ZNF280C: variants seen among roughly 807,000 people sequenced by gnomAD.
ZNF280C encodes zinc finger protein 280C.
Under a neutral mutation model 53.6 loss-of-function variants are expected in ZNF280C, and 14 were observed. The ratio of observed to expected loss-of-function variants is 0.26; its 90% CI spans 0.17 to 0.41. ZNF280C has a LOEUF of 0.41. Ranked by LOEUF, ZNF280C falls within the 10% of genes least tolerant of loss-of-function variation. The probability of loss-of-function intolerance (pLI) is 1.00; values close to 1 mark genes in which losing one functional copy is unlikely to be tolerated. For missense variants in ZNF280C, 416 were observed against 547.1 expected (o/e 0.76, Z 2.39); for synonymous variants, 203 against 181.1 (o/e 1.12, Z -0.97).
At chrX:130,225,886 T>C (rs992920624) in intron 12 of ZNF280C, among the ~76,000 whole-genome samples, 4 of 111,872 alleles carry the variant, frequency 3.6e-5, no homozygotes, top group Admixed American at 9.5e-5. Flanking sequence ...AGCTGATCAG[T>C]GAGGAGGCAA....
At chrX:130,256,848 A>C (rs924619934) in intron 2 of ZNF280C, among the ~76,000 whole-genome samples, 4 of 109,062 alleles carry the variant, frequency 3.7e-5, no homozygotes, top group Non-Finnish European at 7.6e-5. Context: ...CAGTGAGTTG[A>C]GATCACGCCA....
intron 13 of ZNF280C, among the ~76,000 whole-genome samples, chrX:130,218,977 C>T (rs1383591744): frequency 9.0e-6 from 1 of 111,691 alleles, no homozygotes; most frequent in Non-Finnish European, 1.9e-5. Context: ...CTAATACCAA[C>T]ATGGAACAAA....
chrX:130,226,794 C>A lies in ZNF280C; in HGVS notation c.1360G>T (p.Ala454Ser). 2 of 1,210,356 alleles carry A rather than the reference C, an allele frequency of 1.7e-6. No individual in the cohort carries two copies. Among genetic ancestry groups the A allele is most frequent in the Non-Finnish European group, 2.2e-6 (2 of 894,801 alleles). Residue 454 changes from alanine to serine, a missense_variant, in exon 12 of 19, where the codon GCA becomes TCA. Ala to Ser is a moderately conservative substitution (Grantham distance 99). This residue lies in a region of ZNF280C where 72 missense variants were observed against 168.8 expected (regional missense o/e 0.43). Transcript: ENST00000370978. ...CPFCLKVSKM[A>S]TPYMNHYMKH... ...ATGTAATGATTCATGTAGGGGGTTG[C>A]CATTTTACTAACTTTGAGGCAAAAT...
At chrX:130,243,898 T>C in intron 3 of ZNF280C, 33 bp from the exon 4 acceptor site, 3 of 947,739 alleles carry the variant, frequency 3.2e-6, no homozygotes, top group South Asian at 2.6e-5. Context: ...AAATTTGTTA[T>C]GTGAATGAAA....
intron 15 of ZNF280C, 130 bp downstream of exon 15, chrX:130,215,063 G>C (rs1204152779): frequency 1.7e-6 from 1 of 591,531 alleles, no homozygotes; most frequent in Admixed American, 4.3e-5. Context: ...GAACATCTTA[G>C]AAGTTCCCTA....
chrX:130,266,883 A>T (rs2032694682), intron 1 of ZNF280C, among the ~76,000 whole-genome samples: 1 of 111,434 alleles, frequency 9.0e-6, no homozygotes. Context: ...TGGGTGGATC[A>T]CGAGGTCAGG....
chrX:130,223,419 T>C (rs2124701568), intron 12 of ZNF280C, among the ~76,000 whole-genome samples: 1 of 112,169 alleles, frequency 8.9e-6, no homozygotes, highest in Non-Finnish European at 1.9e-5. Context: ...AATGTCAATG[T>C]GGAATATGAG....
At position 130,236,519 on chromosome X, in the gene ZNF280C, G is replaced by T. The variant is rs1296307758; in HGVS notation, c.614C>A (p.Pro205His). The change falls in exon 7 of 19, where the codon CCT becomes CAT. Residue 205 changes from proline to histidine, a missense_variant. Pro to His is a moderately conservative substitution (Grantham distance 77). This residue lies in a region of ZNF280C where 193 missense variants were observed against 201.4 expected (regional missense o/e 0.96). Transcript: ENST00000370978. Reference protein sequence around the residue: ...VPQINPSTSLPLIGSPPVTSS... With the variant: ...VPQINPSTSLHLIGSPPVTSS... ...TGTCACTGGAGGAGAGCCAATTAAA[G>T]GCAATGAAGTGGAGGGATTTATCTG... is the stretch of plus-strand genomic sequence containing the variant. 8.3e-7 allele frequency: 1 copy of T among 1,207,480 alleles called. No homozygotes were observed. Among genetic ancestry groups the T allele is most frequent in the Admixed American group, 2.2e-5 (1 of 45,613 alleles).
In ZNF280C at chrX:130,204,184, A is replaced by C. The variant is rs990704337; in HGVS notation, c.*793T>G. 8.9e-6 allele frequency: 1 copy of C among 112,805 alleles called. No individual in the cohort carries two copies. Among genetic ancestry groups the C allele is most frequent in the Non-Finnish European group, 1.9e-5 (1 of 53,320 alleles). 9.3% of individuals were successfully genotyped at this position (112,805 alleles called of 1,213,427 possible). A position where few individuals can be genotyped will look rare whatever the true frequency, so the allele number is the denominator to read the frequency against. ...TGCTAGAGGAAAATTAAAGAGCAGC[A>C]GCCAAAATGGTTAAACGTCAACCTG... On this transcript the variant is annotated 3_prime_UTR_variant, in exon 19 of 19. Coordinates refer to ENST00000370978, the MANE Select transcript of ZNF280C (RefSeq NM_017666.5).
Position 130,220,432 on chromosome X carries a change from T to A in ZNF280C, c.1444A>T (p.Ser482Cys). The A allele has an allele frequency of 8.3e-7, 1 of 1,204,115 alleles. No individual in the cohort carries two copies. The highest frequency in any genetic ancestry group is 1.8e-5 in the South Asian group (1 of 55,135). The change falls in exon 13 of 19, where the codon AGC becomes TGC. Residue 482 changes from serine to cysteine, a missense_variant. Physicochemically the swap from Ser to Cys is moderately radical, Grantham distance 112. Around this residue, in one of 3 missense-constraint regions of ZNF280C, gnomAD observed 72 missense variants for 168.8 expected, o/e 0.43. Transcript: ENST00000370978. The part of the protein sequence containing the change: ...CPKCRLQFLT[S>C]KEKAEHKAQH... ...GCCTTATGTTCAGCTTTCTCCTTGC[T>A]GGTCAAAAATTGTAGTCTGCATTTT... is the stretch of plus-strand genomic sequence containing the variant.
chrX:130,216,151 A>C (rs2032101686), intron 13 of ZNF280C, 50 bp from the exon 14 acceptor site: 1 of 1,028,664 alleles, frequency 9.7e-7, no homozygotes, highest in Non-Finnish European at 1.3e-6. Context: ...CCATCGCATT[A>C]GTATTAAAAA....
At chrX:130,213,953 T>C (rs776608404) in intron 15 of ZNF280C, among the ~76,000 whole-genome samples, 2 of 111,862 alleles carry the variant, frequency 1.8e-5, no homozygotes, top group East Asian at 5.6e-4. Context: ...ACAACTTTTA[T>C]TGGTTATACC....
intron 10 of ZNF280C, among the ~76,000 whole-genome samples, chrX:130,228,617 C>CTTTT (rs35926660): frequency 1.3e-3 from 77 of 58,374 alleles, no homozygotes; most frequent in Non-Finnish European, 1.7e-3. Context: ...TTTTCTTCTA[C>CTTTT]TTTTTTTTTT....
At chrX:130,243,290 C>T (rs1289136587) in intron 5 of ZNF280C, among the ~76,000 whole-genome samples, 1 of 111,591 alleles carries the variant, frequency 9.0e-6, no homozygotes, top group Non-Finnish European at 1.9e-5. Context: ...TCAAGCAATC[C>T]TCCCATCTCA....
chrX:130,235,981 T>C lies in ZNF280C; in HGVS notation c.771+233A>G, dbSNP rs754934021. Among the ~76,000 whole-genome samples, 3 of 112,039 alleles carry C rather than the reference T, an allele frequency of 2.7e-5. No individual in the cohort carries two copies. In the South Asian group the frequency reaches 1.1e-3, roughly 41 times the overall value. On this transcript the variant is annotated intron_variant, in intron 8 of 18. Transcript: ENST00000370978. ...GCTTGGCTTATTTCACTTAACATAA[T>C]GGCTTCCAGTTCTATCCATAACTTT...
intron 12 of ZNF280C, among the ~76,000 whole-genome samples, chrX:130,223,213 C>T (rs1569433830): frequency 9.0e-6 from 1 of 110,952 alleles, no homozygotes; most frequent in Admixed American, 9.6e-5. Context: ...TGCACCACCA[C>T]ACCCAGCTAA....
At chrX:130,238,779 A>G (rs1351645325) in intron 6 of ZNF280C, among the ~76,000 whole-genome samples, 3 of 111,906 alleles carry the variant, frequency 2.7e-5, no homozygotes, top group Non-Finnish European at 3.8e-5. Context: ...TTTGGCATTC[A>G]TATGACTATA....
At chrX:130,239,721 C>T (rs1408997081) in intron 5 of ZNF280C, 28 bp from the exon 6 acceptor site, 2 of 934,003 alleles carry the variant, frequency 2.1e-6, no homozygotes, top group South Asian at 4.2e-5. Context: ...TATTTTGTTT[C>T]ATAAACTTTT....
chrX:130,267,699 G>T (rs1209054633), intron 1 of ZNF280C, among the ~76,000 whole-genome samples: 1 of 112,046 alleles, frequency 8.9e-6, no homozygotes, highest in East Asian at 2.8e-4. Context: ...AAGTTTCTGC[G>T]TAAGGAGATT....
Sources: gnomAD v4.1 joint callset for allele counts (sites outside exome capture counted in the v4.1 genomes callset) on GRCh38, gnomAD v4.1.1 for gene constraint, gnomAD v4.1.1 regional missense constraint, MANE v1.5 for transcripts, NCBI Gene and HGNC (gene_info 2026-07-23, HGNC 2026-07-21) for gene names.